EIF4E: variants seen among roughly 807,000 people sequenced by gnomAD.
EIF4E encodes eIF-4F 25 kDa subunit.
For synonymous variants in EIF4E, 71 were observed against 88.5 expected (o/e 0.80, Z 1.11); for missense variants, 113 against 265.6 (o/e 0.43, Z 3.99).
chr4:98,895,768 G>C (rs1033809202), intron 2 of EIF4E, among the ~76,000 whole-genome samples: 1 of 152,084 alleles, frequency 6.6e-6, no homozygotes, highest in Non-Finnish European at 1.5e-5. Context: ...AAGATCTATG[G>C]GGCCAGGAAA....
At chr4:98,929,050 G>A (rs745646045) in intron 1 of EIF4E, 45 bp downstream of exon 1, 8 of 1,574,488 alleles carry the variant, frequency 5.1e-6, no homozygotes, top group Middle Eastern at 1.7e-4. Flanking sequence ...GAAGGAAGAC[G>A]GAGCGCGGGG....
At chr4:98,881,227 GTC>G in intron 6 of EIF4E, 85 bp from the exon 7 acceptor site, 1 of 1,512,990 alleles carries the variant, frequency 6.6e-7, no homozygotes, top group African/African-American at 1.4e-5. Flanking sequence ...AGGGTTATTA[GTC>G]TTTATATTAA....
At chr4:98,895,792 A>G (rs1439752912) in intron 2 of EIF4E, among the ~76,000 whole-genome samples, 1 of 152,244 alleles carries the variant, frequency 6.6e-6, no homozygotes, top group Non-Finnish European at 1.5e-5. Context: ...GGATCATACC[A>G]GTAATAACAG....
At chr4:98,901,394 T>C (rs533792016) in intron 2 of EIF4E, among the ~76,000 whole-genome samples, 136 of 152,282 alleles carry the variant, frequency 8.9e-4, no homozygotes, top group Non-Finnish European at 1.4e-3. Flanking sequence ...AGACGGGGTT[T>C]CACCATGTTG....
intron 2 of EIF4E, among the ~76,000 whole-genome samples, chr4:98,901,547 A>G (rs996802354): frequency 6.6e-6 from 1 of 152,168 alleles, no homozygotes; most frequent in African/African-American, 2.4e-5. Context: ...CTTCATAGGC[A>G]TTCTTCTTCA....
At chr4:98,890,069 T>C (rs913594913) in intron 3 of EIF4E, among the ~76,000 whole-genome samples, 4 of 152,280 alleles carry the variant, frequency 2.6e-5, no homozygotes, top group African/African-American at 9.6e-5. Context: ...TCAAATACTC[T>C]CAAAGTTTAT....
intron 3 of EIF4E, 57 bp downstream of exon 3, chr4:98,891,180 T>TA: frequency 2.5e-6 from 4 of 1,582,366 alleles, no homozygotes; most frequent in East Asian, 2.2e-5. Context: ...GACTTAAAAA[T>TA]AAAAAAACTA....
At chr4:98,911,496 C>T (rs1725133030) in intron 1 of EIF4E, among the ~76,000 whole-genome samples, 1 of 148,962 alleles carries the variant, frequency 6.7e-6, no homozygotes, top group Non-Finnish European at 1.5e-5. Context: ...CCCATCTCTA[C>T]TAAAAATACA....
At chr4:98,927,318 A>C (rs1187734671) in intron 1 of EIF4E, among the ~76,000 whole-genome samples, 1 of 152,240 alleles carries the variant, frequency 6.6e-6, no homozygotes, top group Admixed American at 6.5e-5. Context: ...ATGAAAAATA[A>C]GCCTTTGTGT....
At chr4:98,891,446 T>C in intron 2 of EIF4E, 114 bp from the exon 3 acceptor site, 2 of 850,892 alleles carry the variant, frequency 2.4e-6, no homozygotes, top group African/African-American at 1.7e-5. Flanking sequence ...AACAGATGAA[T>C]GAAAAATGTA....
chr4:98,892,688 A>C (rs945364800), intron 2 of EIF4E, among the ~76,000 whole-genome samples: 7 of 151,866 alleles, frequency 4.6e-5, no homozygotes, highest in African/African-American at 1.7e-4. Context: ...TCTCAAAAAA[A>C]AAAAAAAAAA....
chr4:98,917,519 C>T (rs1725439002), intron 1 of EIF4E, among the ~76,000 whole-genome samples: 1 of 152,090 alleles, frequency 6.6e-6, no homozygotes, highest in Admixed American at 6.6e-5. Flanking sequence ...TTTTATGAGC[C>T]TTCATCCAAT....
At chr4:98,881,182 T>C in intron 6 of EIF4E, 40 bp from the exon 7 acceptor site, 2 of 1,601,624 alleles carry the variant, frequency 1.2e-6, no homozygotes, top group Admixed American at 3.4e-5. Context: ...AAGTAGTCAT[T>C]AACTTTTACT....
At chr4:98,895,789 A>G (rs894740172) in intron 2 of EIF4E, among the ~76,000 whole-genome samples, 4 of 152,230 alleles carry the variant, frequency 2.6e-5, no homozygotes, top group Non-Finnish European at 4.4e-5. Flanking sequence ...GGTGGATCAT[A>G]CCAGTAATAA....
At chr4:98,909,404 A>C in intron 1 of EIF4E, 1 of 401,570 alleles carries the variant, frequency 2.5e-6, no homozygotes, top group African/African-American at 2.1e-5. Context: ...AAATTAAATC[A>C]GGCAAAGAAA....
intron 1 of EIF4E, among the ~76,000 whole-genome samples, chr4:98,916,171 A>G (rs1185210513): frequency 6.6e-6 from 1 of 151,930 alleles, no homozygotes; most frequent in Non-Finnish European, 1.5e-5. Context: ...AGCCTGGGCA[A>G]CAGAGTGAGG....
In EIF4E at chr4:98,891,351, T is replaced by C; in HGVS notation, c.126-19A>G. On this transcript the variant is annotated intron_variant, in intron 2 of 6. Transcript: ENST00000450253. Reference sequence around the variant, plus strand: ...TGCCCATCTAAAAATAAAAAATCAGTGTCAAAAAATGGTAGCTGCATACCC... The same window carrying C: ...TGCCCATCTAAAAATAAAAAATCAGCGTCAAAAAATGGTAGCTGCATACCC... 1 of 1,602,464 alleles carries C rather than the reference T, an allele frequency of 6.2e-7. No homozygotes were observed. Among genetic ancestry groups the C allele is most frequent in the South Asian group, 1.1e-5 (1 of 89,902 alleles).
chr4:98,904,338 A>T (rs1724773061), intron 1 of EIF4E, among the ~76,000 whole-genome samples: 1 of 152,336 alleles, frequency 6.6e-6, no homozygotes, highest in South Asian at 2.1e-4. Context: ...TCTCTCTCTC[A>T]AGTCTTTGGA....
At chr4:98,916,073 C>G (rs1725366797) in intron 1 of EIF4E, among the ~76,000 whole-genome samples, 1 of 151,402 alleles carries the variant, frequency 6.6e-6, no homozygotes, top group South Asian at 2.1e-4. Context: ...CACCTGTAAT[C>G]CCAGCTACTC....
Sources: gnomAD v4.1 joint callset for allele counts (sites outside exome capture counted in the v4.1 genomes callset) on GRCh38, gnomAD v4.1.1 for gene constraint, MANE v1.5 for transcripts, NCBI Gene and HGNC (gene_info 2026-07-23, HGNC 2026-07-21) for gene names.